PRSS55: variants seen among roughly 807,000 people sequenced by gnomAD.
The protein encoded by PRSS55 is serine protease 55.
Under a neutral mutation model 23.6 loss-of-function variants are expected in PRSS55, and 41 were observed. The observed-to-expected ratio is 1.74, with a 90% confidence interval of 1.35 to 2.26. PRSS55 has a LOEUF of 2.26. Among genes scored for constraint, PRSS55 ranks in the 30% most tolerant of loss-of-function variants. PRSS55 has a pLI of 0.00. For synonymous variants in PRSS55, 262 were observed against 175.5 expected, an observed-to-expected ratio of 1.49 and a Z score of -3.90; for missense variants, 669 against 439.1, an observed-to-expected ratio of 1.52 and a Z score of -4.68.
chr8:10,551,232 T>A (rs1183686758), intron 4 of PRSS55, among the ~76,000 whole-genome samples: 2 of 152,238 alleles, frequency 1.3e-5, no homozygotes, highest in Non-Finnish European at 2.9e-5. Context: ...CACACAGGAC[T>A]TCTTACTGAT....
At chr8:10,539,056 A>C (rs1279622497), downstream of PRSS55, among the ~76,000 whole-genome samples, 1 of 151,846 alleles carries the variant, frequency 6.6e-6, no homozygotes, top group Non-Finnish European at 1.5e-5. Context: ...TATAACAGAA[A>C]AAAAAAAAAA....
chr8:10,548,558 C>G (rs1396115865), intron 4 of PRSS55, among the ~76,000 whole-genome samples: 1 of 151,716 alleles, frequency 6.6e-6, no homozygotes, highest in Non-Finnish European at 1.5e-5. Context: ...AGGCTGGGGT[C>G]ACTTTGGACC....
chr8:10,536,712 C>T (rs912898714), intron 4 of PRSS55, among the ~76,000 whole-genome samples: 31 of 152,150 alleles, frequency 2.0e-4, no homozygotes, highest in Admixed American at 1.4e-3. Flanking sequence ...ATATCCTTTG[C>T]AGCAACTTGG....
Position 10,532,996 on chromosome 8 carries a change from C to A in PRSS55, c.689C>A (p.Thr230Asn). Residue 230 changes from threonine (T) to asparagine (N), a missense_variant, in exon 4 of 5, where the codon ACC (threonine) becomes AAC (asparagine). Thr to Asn is a moderately conservative substitution (Grantham distance 65). Coordinates refer to ENST00000328655, the MANE Select transcript of PRSS55 (RefSeq NM_198464.4). ...TGTTCAAAGATGTTTCCAAAACTTA[C>A]CAAAAATATGCTGTGTGCCGGATAC... is the stretch of plus-strand genomic sequence containing the variant. ...EECSKMFPKL[T>N]KNMLCAGYKN... 1.9e-6 allele frequency: 3 copies of A among 1,614,182 alleles called. No homozygotes were observed. The highest frequency in any genetic ancestry group is 2.2e-5 in the South Asian group (2 of 91,072).
chr8:10,535,863 A>G (rs1308692768), intron 4 of PRSS55, among the ~76,000 whole-genome samples: 1 of 152,210 alleles, frequency 6.6e-6, no homozygotes, highest in Non-Finnish European at 1.5e-5. Flanking sequence ...AAACAACTCA[A>G]CAAGCAAAAA....
intron 4 of PRSS55, among the ~76,000 whole-genome samples, chr8:10,538,106 G>A (rs1039278549): frequency 3.3e-5 from 5 of 152,196 alleles, no homozygotes; most frequent in Admixed American, 2.0e-4. Flanking sequence ...TCCCTTTCCT[G>A]CCCTTTCCAG....
downstream of PRSS55, among the ~76,000 whole-genome samples, chr8:10,540,045 G>C (rs78633429): frequency 0.046 from 7,034 of 152,220 alleles, 546 homozygotes; most frequent in African/African-American, 0.16. Context: ...TTCATGTTCA[G>C]AGGCTCTCGC....
rs751254408 is a variant in PRSS55, at chr8:10,529,510, G to A, written c.158G>A (p.Cys53Tyr). 3.7e-6 allele frequency: 6 copies of A among 1,614,012 alleles called. No individual in the cohort carries two copies. The South Asian group carries it at 4.4e-5, about 12-fold the overall frequency. ...CCACTCTCTTTCTTTCCACCAGAAT[G>A]TGGTGACAGATCTATTTTCGAGGGA... ...PPHPPSPVSE[C>Y]GDRSIFEGRT... Residue 53 changes from cysteine (C) to tyrosine (Y), a missense_variant, in exon 2 of 5, where the codon TGT becomes TAT. Cys to Tyr is a radical substitution (Grantham distance 194). Transcript: ENST00000328655.
rs570756853 is a variant in PRSS55 at position 10,537,051 on chromosome 8, C to T, written c.742-1425C>T. Among the ~76,000 whole-genome samples, 4 of 152,248 alleles carry T rather than the reference C, an allele frequency of 2.6e-5. No individual in the cohort carries two copies. In the South Asian group the frequency reaches 6.2e-4, roughly 24 times the overall value. On this transcript the variant is annotated intron_variant, in intron 4 of 4. Transcript: ENST00000328655. ...AAGTTGAAAAAGAAAATAAGAAAAT[C>T]TTGGGTTACAGGATGGAGGGTACTA...
downstream of PRSS55, chr8:10,540,712 C>T (rs747177071): frequency 6.6e-6 from 1 of 151,968 alleles, no homozygotes; most frequent in Admixed American, 6.6e-5. Flanking sequence ...TGAACTCTAT[C>T]TCCAAAAAAA....
intron 4 of PRSS55, among the ~76,000 whole-genome samples, chr8:10,551,167 G>T (rs1331069080): frequency 1.3e-5 from 2 of 152,186 alleles, no homozygotes; most frequent in African/African-American, 4.8e-5. Context: ...TGCTCAACAA[G>T]CAATAAAGGT....
chr8:10,529,795 G>T, intron 2 of PRSS55, 96 bp downstream of exon 2: 1 of 1,212,728 alleles, frequency 8.2e-7, no homozygotes, highest in South Asian at 1.4e-5. Flanking sequence ...AGGAACCTGC[G>T]ACTGCTCGGT....
At chr8:10,545,252 G>A (rs1247309733) in intron 4 of PRSS55, 4 of 151,968 alleles carry the variant, frequency 2.6e-5, no homozygotes, top group African/African-American at 9.7e-5. Flanking sequence ...GGCTGGAGGG[G>A]AATAGTGCAA....
chr8:10,534,211 C>CACTA (rs974815936), intron 4 of PRSS55, among the ~76,000 whole-genome samples: 1 of 152,120 alleles, frequency 6.6e-6, no homozygotes, highest in Admixed American at 6.5e-5. Context: ...CAGCCCCTCC[C>CACTA]ACTAAGTACA....
chr8:10,532,918 C>G lies in PRSS55; in HGVS notation c.611C>G (p.Ser204Cys), dbSNP rs749248130. 1.2e-6 allele frequency: 2 copies of G among 1,614,176 alleles called. No homozygotes were observed. Among genetic ancestry groups the G allele is most frequent in the African/African-American group, 1.3e-5 (1 of 75,040 alleles). The change falls in exon 4 of 5, where the codon TCT (serine) becomes TGT (cysteine). Residue 204 changes from serine to cysteine, a missense_variant. By Grantham distance (112) the Ser-to-Cys change is moderately radical. Coordinates refer to ENST00000328655, the MANE Select transcript of PRSS55 (RefSeq NM_198464.4). ...WGQTNAADKN[S>C]VKTDLMKAPM... The stretch of plus-strand genomic sequence containing the variant: ...CTCTCTGGGCCAGCTGACAAAAACT[C>G]TGTGAAAACGGATCTGATGAAAGCG...
exon 5 of PRSS55, chr8:10,554,118 G>T (rs1002783660): frequency 3.7e-6 from 3 of 811,788 alleles, no homozygotes; most frequent in African/African-American, 3.5e-5. Context: ...ATCTTTGAGG[G>T]TGTTTTCTGT....
intron 1 of PRSS55, 54 bp from the exon 2 acceptor site, chr8:10,529,453 G>A (rs1812162691): frequency 1.3e-6 from 2 of 1,571,378 alleles, no homozygotes; most frequent in East Asian, 2.2e-5. Flanking sequence ...AGCTCACACT[G>A]GATGCTGACT....
At chr8:10,538,376 G>A in intron 4 of PRSS55, 100 bp from the exon 5 acceptor site, 2 of 948,924 alleles carry the variant, frequency 2.1e-6, no homozygotes, top group Non-Finnish European at 1.6e-6. Flanking sequence ...GGCAGCCAGA[G>A]TTGGGGAGGC....
chr8:10,529,333 T>C (rs1812157385), intron 1 of PRSS55, 174 bp from the exon 2 acceptor site: 2 of 659,584 alleles, frequency 3.0e-6, no homozygotes. Context: ...ATAAACCATC[T>C]GCCGGCTGAT....
Sources: allele counts gnomAD v4.1 joint callset (sites outside exome capture counted in the v4.1 genomes callset), GRCh38; gene constraint gnomAD v4.1.1; transcripts MANE v1.5; gene names NCBI Gene and HGNC (gene_info 2026-07-23, HGNC 2026-07-21).